The following MGAT4C variants were observed in gnomAD, a reference collection of about 807,000 sequenced individuals.
MGAT4C encodes alpha-1,3-mannosyl-glycoprotein 4-beta-N-acetylglucosaminyltransferase C.
In MGAT4C, 19 loss-of-function variants were observed where a neutral mutation model predicts 40.1. That is an observed-to-expected ratio of 0.47 (90% CI 0.33 to 0.70). MGAT4C has a LOEUF of 0.70. Among genes scored for constraint, MGAT4C ranks in the 30% least tolerant of loss-of-function variants. MGAT4C has a pLI of 0.02. For synonymous variants in MGAT4C, 181 were observed against 187.1 expected, an observed-to-expected ratio of 0.97 and a Z score of 0.27; for missense variants, 491 against 563.2, an observed-to-expected ratio of 0.87 and a Z score of 1.30.
chr12:86,793,781 T>G (rs927940962), intron 1 of MGAT4C, among the ~76,000 whole-genome samples: 2 of 152,030 alleles, frequency 1.3e-5, no homozygotes, highest in Non-Finnish European at 2.9e-5. Context: ...AATAAATGAT[T>G]AGAGATTCCC....
chr12:86,622,859 T>C (rs1046323899), intron 2 of MGAT4C, among the ~76,000 whole-genome samples: 1 of 152,072 alleles, frequency 6.6e-6, no homozygotes, highest in Non-Finnish European at 1.5e-5. Context: ...AGTAGACAAG[T>C]ATATTAAACC....
chr12:86,501,013 C>T (rs1232051048), intron 2 of MGAT4C, among the ~76,000 whole-genome samples: 1 of 152,184 alleles, frequency 6.6e-6, no homozygotes, highest in East Asian at 1.9e-4. Context: ...TAACTCCTTG[C>T]ATACTGCCTT....
chr12:86,515,894 C>G (rs1223567792), intron 2 of MGAT4C, among the ~76,000 whole-genome samples: 1 of 151,986 alleles, frequency 6.6e-6, no homozygotes, highest in Non-Finnish European at 1.5e-5. Flanking sequence ...AGATGCCCAC[C>G]ACCACGCCCA....
intron 2 of MGAT4C, among the ~76,000 whole-genome samples, chr12:86,540,779 C>G (rs1429290932): frequency 6.6e-6 from 1 of 151,172 alleles, no homozygotes; most frequent in Non-Finnish European, 1.5e-5. Flanking sequence ...TAAGCTGAAA[C>G]CACTCAGTTT....
intron 1 of MGAT4C, among the ~76,000 whole-genome samples, chr12:86,179,589 G>A (rs1024422058): frequency 6.6e-6 from 1 of 152,178 alleles, no homozygotes; most frequent in Non-Finnish European, 1.5e-5. Flanking sequence ...TGTAGATGAG[G>A]AACTTGTTGG....
At chr12:86,604,185 T>C (rs557753996) in intron 2 of MGAT4C, among the ~76,000 whole-genome samples, 1 of 151,762 alleles carries the variant, frequency 6.6e-6, no homozygotes, top group Non-Finnish European at 1.5e-5. Flanking sequence ...CCTGGGAGAA[T>C]GGAAATAATG....
intron 2 of MGAT4C, among the ~76,000 whole-genome samples, chr12:86,589,112 G>A (rs1486919198): frequency 1.3e-5 from 2 of 151,880 alleles, no homozygotes; most frequent in South Asian, 4.2e-4. Context: ...ATGAATCCAG[G>A]AGCTGGTTTT....
intron 2 of MGAT4C, among the ~76,000 whole-genome samples, chr12:86,539,546 G>C (rs917609561): frequency 1.3e-5 from 2 of 152,180 alleles, no homozygotes; most frequent in African/African-American, 4.8e-5. Context: ...CCCAGTAATG[G>C]GATGGCTGGG....
At chr12:86,315,902 G>A (rs930240410) in intron 4 of MGAT4C, among the ~76,000 whole-genome samples, 7 of 151,384 alleles carry the variant, frequency 4.6e-5, no homozygotes, top group African/African-American at 1.5e-4. Context: ...GATTAACAGA[G>A]TACACAGATA....
At chr12:86,428,713 A>G (rs1956977654) in intron 3 of MGAT4C, among the ~76,000 whole-genome samples, 1 of 152,172 alleles carries the variant, frequency 6.6e-6, no homozygotes, top group Non-Finnish European at 1.5e-5. Flanking sequence ...GTATGTGTTT[A>G]GGAATTTATC....
intron 1 of MGAT4C, among the ~76,000 whole-genome samples, chr12:86,073,989 G>A (rs779013376): frequency 1.3e-5 from 2 of 152,090 alleles, no homozygotes; most frequent in African/African-American, 4.8e-5. Context: ...AGTTTGAATT[G>A]TACCTCCCAG....
chr12:86,338,884 A>G (rs992747590), intron 3 of MGAT4C, among the ~76,000 whole-genome samples: 3 of 129,248 alleles, frequency 2.3e-5, no homozygotes, highest in Admixed American at 2.0e-4. Flanking sequence ...GCTTGAACCC[A>G]GGTGGCAGAA....
At chr12:86,126,592 C>G (rs1880303930) in intron 1 of MGAT4C, among the ~76,000 whole-genome samples, 1 of 152,116 alleles carries the variant, frequency 6.6e-6, no homozygotes, top group Non-Finnish European at 1.5e-5. Context: ...ACAAAAACTT[C>G]AAATACTGAT....
intron 1 of MGAT4C, among the ~76,000 whole-genome samples, chr12:86,811,365 C>G (rs981302357): frequency 8.2e-6 from 1 of 122,062 alleles, no homozygotes; most frequent in Admixed American, 9.8e-5. Flanking sequence ...TTTCTTGAGA[C>G]AGAGTCTCAC....
intron 2 of MGAT4C, among the ~76,000 whole-genome samples, chr12:86,463,349 C>T (rs1957630204): frequency 6.6e-6 from 1 of 152,034 alleles, no homozygotes; most frequent in South Asian, 2.1e-4. Flanking sequence ...AATCATGCCC[C>T]AAGAAGACTA....
At chr12:86,179,962 C>T (rs1471299135) in intron 1 of MGAT4C, among the ~76,000 whole-genome samples, 1 of 152,214 alleles carries the variant, frequency 6.6e-6, no homozygotes, top group African/African-American at 2.4e-5. Flanking sequence ...TGTCTCCAGG[C>T]CATGTCAGCA....
chr12:86,743,074 A>T (rs1231890670), intron 1 of MGAT4C, among the ~76,000 whole-genome samples: 2 of 144,412 alleles, frequency 1.4e-5, no homozygotes, highest in Non-Finnish European at 3.1e-5. Context: ...GTGTGTATGC[A>T]TGTGTGTATG....
intron 1 of MGAT4C, among the ~76,000 whole-genome samples, chr12:86,153,180 C>T (rs573201411): frequency 6.6e-6 from 1 of 152,292 alleles, no homozygotes; most frequent in South Asian, 2.1e-4. Context: ...TCTCTCAATT[C>T]AAACAGCTGT....
chr12:86,699,013 C>A (rs1479740533), intron 2 of MGAT4C, among the ~76,000 whole-genome samples: 1 of 152,098 alleles, frequency 6.6e-6, no homozygotes, highest in Admixed American at 6.6e-5. Context: ...GCATATTCTT[C>A]TCCATTTTTT....
Sources: gnomAD v4.1 joint callset for allele counts (sites outside exome capture counted in the v4.1 genomes callset) on GRCh38, gnomAD v4.1.1 for gene constraint, MANE v1.5 for transcripts, NCBI Gene and HGNC (gene_info 2026-07-23, HGNC 2026-07-21) for gene names.